Variants in CEP128 observed in about 807,000 individuals in gnomAD.
CEP128 encodes centrosomal protein 128kDa.
In CEP128, 132 loss-of-function variants were observed where a neutral mutation model predicts 156.7. The ratio of observed to expected loss-of-function variants is 0.84; its 90% CI spans 0.73 to 0.97. The LOEUF is 0.97. Ranked by LOEUF, CEP128 falls within the 50% of genes least tolerant of loss-of-function variation. The pLI is 0.00. For missense variants in CEP128, 1,252 were observed against 1,281.9 expected (o/e 0.98, Z 0.36); for synonymous variants, 469 against 448.9 (o/e 1.04, Z -0.57).
chr14:80,930,778 C>T (rs1885416235), intron 2 of CEP128, among the ~76,000 whole-genome samples: 1 of 152,212 alleles, frequency 6.6e-6, no homozygotes, highest in Admixed American at 6.5e-5. Context: ...TGAAGGCCAC[C>T]ACTTCATCAA....
intron 13 of CEP128, among the ~76,000 whole-genome samples, chr14:80,828,731 T>C (rs903348610): frequency 6.6e-6 from 1 of 152,160 alleles, no homozygotes; most frequent in African/African-American, 2.4e-5. Flanking sequence ...TGAGGTTCTG[T>C]AGGAGAGGTG....
intron 21 of CEP128, among the ~76,000 whole-genome samples, chr14:80,540,043 C>T (rs988541755): frequency 1.3e-5 from 2 of 152,066 alleles, no homozygotes; most frequent in African/African-American, 2.4e-5. Context: ...ATACATGCAC[C>T]GTGCACCGCT....
At chr14:80,757,910 T>G (rs1339701198) in intron 17 of CEP128, among the ~76,000 whole-genome samples, 1 of 152,214 alleles carries the variant, frequency 6.6e-6, no homozygotes, top group Non-Finnish European at 1.5e-5. Flanking sequence ...TCTATCTAAA[T>G]CTCACCCAAT....
intron 19 of CEP128, among the ~76,000 whole-genome samples, chr14:80,704,273 G>A (rs1897164743): frequency 6.6e-6 from 1 of 151,898 alleles, no homozygotes; most frequent in Admixed American, 6.6e-5. Context: ...AAACCACAGA[G>A]TAAACACTCT....
At chr14:80,743,403 T>C (rs1243346570) in intron 18 of CEP128, 136 bp from the exon 19 acceptor site, 2 of 657,444 alleles carry the variant, frequency 3.0e-6, no homozygotes, top group East Asian at 2.7e-5. Flanking sequence ...TTTTAAAATA[T>C]CCATGTTTAA....
chr14:80,860,936 T>G (rs1458454230), intron 9 of CEP128, among the ~76,000 whole-genome samples: 2 of 152,074 alleles, frequency 1.3e-5, no homozygotes, highest in African/African-American at 4.8e-5. Context: ...AGAATTCCCA[T>G]TTGTTTTGAA....
chr14:80,524,923 T>C (rs893272344), intron 23 of CEP128, among the ~76,000 whole-genome samples: 2 of 152,206 alleles, frequency 1.3e-5, no homozygotes, highest in Admixed American at 6.5e-5. Flanking sequence ...TAGGCCTGAT[T>C]CCCTCTTCAG....
intron 8 of CEP128, among the ~76,000 whole-genome samples, chr14:80,884,421 G>A (rs1233856889): frequency 1.3e-5 from 2 of 152,186 alleles, no homozygotes; most frequent in African/African-American, 4.8e-5. Flanking sequence ...GGCCAACACA[G>A]AAGGTGGGAG....
chr14:80,614,449 G>A (rs889495624), intron 19 of CEP128, among the ~76,000 whole-genome samples: 3 of 151,946 alleles, frequency 2.0e-5, no homozygotes, highest in Admixed American at 6.6e-5. Flanking sequence ...TCTCAGTGTC[G>A]TTTGAGAATT....
intron 14 of CEP128, among the ~76,000 whole-genome samples, chr14:80,788,122 A>C (rs1901508494): frequency 6.6e-6 from 1 of 152,188 alleles, no homozygotes; most frequent in Non-Finnish European, 1.5e-5. Flanking sequence ...CTTGCCTAGT[A>C]GCCACAGCTT....
At chr14:80,848,360 C>G (rs1484601367) in intron 9 of CEP128, among the ~76,000 whole-genome samples, 2 of 152,046 alleles carry the variant, frequency 1.3e-5, no homozygotes, top group Non-Finnish European at 2.9e-5. Context: ...GCAAGAAGAA[C>G]AACAATAGAA....
chr14:80,766,809 A>G (rs891277350), intron 16 of CEP128, among the ~76,000 whole-genome samples: 12 of 152,146 alleles, frequency 7.9e-5, no homozygotes, highest in African/African-American at 2.9e-4. Context: ...ATACGTCAAC[A>G]AAGGGTAGGG....
rs1566674692 is a variant in CEP128 at position 80,857,745 on chromosome 14, AACAACAAC to A, written c.762+5004_762+5011del. ...GAGTGACCCCATCTCAAAAAAAAAC[AACAACAAC>A]AACAACAACAACAACAAAAAACATG... On this transcript the variant is annotated intron_variant, in intron 9 of 24. Coordinates refer to ENST00000555265, the MANE Select transcript of CEP128 (RefSeq NM_152446.5). 1.1e-4 allele frequency among the ~76,000 whole-genome samples: 15 copies of A among 139,962 alleles called. 1 individual carries two copies. The highest frequency in any genetic ancestry group is 3.4e-4 in the African/African-American group (13 of 37,858). The allele number at this position is 139,962 out of a possible 152,430, so 91.8% of individuals were successfully genotyped here.
intron 19 of CEP128, among the ~76,000 whole-genome samples, chr14:80,584,189 C>T (rs1288545034): frequency 6.9e-6 from 1 of 144,754 alleles, no homozygotes; most frequent in African/African-American, 2.6e-5. Flanking sequence ...ATCCGATGCC[C>T]AGACTGGAGT....
intron 22 of CEP128, chr14:80,527,192 G>T (rs563365307): frequency 3.6e-6 from 2 of 551,514 alleles, no homozygotes; most frequent in African/African-American, 1.9e-5. Context: ...ACTTTAGGAG[G>T]CCAAGGTGGG....
chr14:80,505,034 G>T lies in CEP128; in HGVS notation c.3073-14C>A. 2 of 1,416,384 alleles carry T rather than the reference G, an allele frequency of 1.4e-6. No homozygotes were observed. Among genetic ancestry groups the T allele is most frequent in the South Asian group, 1.3e-5 (1 of 79,114 alleles). 87.7% of individuals were successfully genotyped at this position (1,416,384 alleles called of 1,614,324 possible). A position where few individuals can be genotyped will look rare whatever the true frequency, so the allele number is the denominator to read the frequency against. On this transcript the variant is annotated splice_polypyrimidine_tract_variant and intron_variant, in intron 23 of 24. Coordinates refer to ENST00000555265, the MANE Select transcript of CEP128 (RefSeq NM_152446.5). Reference sequence around the variant, plus strand: ...GGTTCTGTCACCCTAAGGAAAAAAAGGCACAGCATTTCAATGATTACACAA... The same window carrying T: ...GGTTCTGTCACCCTAAGGAAAAAAATGCACAGCATTTCAATGATTACACAA...
intron 20 of CEP128, among the ~76,000 whole-genome samples, chr14:80,572,701 AC>A (rs200151911): frequency 1.0e-5 from 1 of 100,432 alleles, no homozygotes; most frequent in Non-Finnish European, 2.1e-5. Context: ...TTTGAAAACA[AC>A]AAAAAAAAAC....
intron 19 of CEP128, among the ~76,000 whole-genome samples, chr14:80,613,777 A>G (rs1469087447): frequency 6.6e-6 from 1 of 152,196 alleles, no homozygotes; most frequent in African/African-American, 2.4e-5. Context: ...TTATGAATTA[A>G]GATAGCAAGC....
chr14:80,831,303 A>T lies in CEP128; in HGVS notation c.1058-9T>A. 1.2e-6 allele frequency: 2 copies of T among 1,613,786 alleles called. No individual in the cohort carries two copies. The highest frequency in any genetic ancestry group is 1.7e-6 in the Non-Finnish European group (2 of 1,179,794). On this transcript the variant is annotated splice_polypyrimidine_tract_variant and intron_variant, in intron 12 of 24. Transcript: ENST00000555265. ...TTTTTCCCGCTCAACCCCTTAAAAGATAAAATGTAAGGCTCAAGGGTTGTT... is the reference window on the plus strand; with the variant it reads ...TTTTTCCCGCTCAACCCCTTAAAAGTTAAAATGTAAGGCTCAAGGGTTGTT...
Sources: gnomAD v4.1 joint callset for allele counts (sites outside exome capture counted in the v4.1 genomes callset) on GRCh38, gnomAD v4.1.1 for gene constraint, MANE v1.5 for transcripts, NCBI Gene and HGNC (gene_info 2026-07-23, HGNC 2026-07-21) for gene names.